The following COL25A1 variants were observed in gnomAD, a reference collection of about 807,000 sequenced individuals.
COL25A1 encodes the protein collagen alpha-1(XXV) chain.
COL25A1 carries 103 observed loss-of-function variants against 128.4 expected under a neutral mutation model. The observed-to-expected ratio is 0.80, with a 90% CI of 0.68 to 0.94. The LOEUF (loss-of-function observed/expected upper bound fraction) is 0.94. Ranked by LOEUF, COL25A1 falls within the 40% of genes least tolerant of loss-of-function variation. The pLI is 0.00. For synonymous variants in COL25A1, 279 were observed against 277.2 expected (o/e 1.01, Z -0.06); for missense variants, 745 against 840.0 (o/e 0.89, Z 1.40).
At chr4:108,875,589 T>C (rs929120568) in intron 19 of COL25A1, among the ~76,000 whole-genome samples, 2 of 152,048 alleles carry the variant, frequency 1.3e-5, no homozygotes, top group Non-Finnish European at 2.9e-5. Context: ...TGTGGAGAAA[T>C]AGGAATGCTT....
At chr4:109,091,049 T>A (rs1323950558) in intron 3 of COL25A1, among the ~76,000 whole-genome samples, 2 of 152,074 alleles carry the variant, frequency 1.3e-5, no homozygotes, top group Middle Eastern at 3.2e-3. Flanking sequence ...TTTGGCAACA[T>A]CTCCTGGAAG....
intron 13 of COL25A1, among the ~76,000 whole-genome samples, chr4:108,916,156 C>A (rs556583414): frequency 5.9e-5 from 9 of 152,132 alleles, no homozygotes; most frequent in Non-Finnish European, 1.3e-4. Flanking sequence ...AAGTTCCATA[C>A]ACAAAGCTTT....
chr4:109,280,390 A>G (rs1216847453), intron 3 of COL25A1, among the ~76,000 whole-genome samples: 1 of 152,240 alleles, frequency 6.6e-6, no homozygotes, highest in Non-Finnish European at 1.5e-5. Context: ...CTTTACGGGA[A>G]ACATAAGGAA....
intron 5 of COL25A1, among the ~76,000 whole-genome samples, chr4:109,036,504 A>T (rs1011444257): frequency 6.6e-5 from 10 of 152,200 alleles, no homozygotes; most frequent in Non-Finnish European, 1.5e-4. Flanking sequence ...TAGAGGCTTA[A>T]CTTTAATATG....
intron 6 of COL25A1, among the ~76,000 whole-genome samples, chr4:108,992,574 CAAAAT>C (rs1353552419): frequency 6.6e-6 from 1 of 152,114 alleles, no homozygotes; most frequent in Non-Finnish European, 1.5e-5. Flanking sequence ...TAAATTGTTA[CAAAAT>C]AAAATAACAT....
chr4:109,176,569 G>A (rs139910822), intron 3 of COL25A1, among the ~76,000 whole-genome samples: 2 of 152,256 alleles, frequency 1.3e-5, no homozygotes, highest in East Asian at 3.9e-4. Flanking sequence ...TGCTGAATGA[G>A]TTAAGATAAC....
intron 3 of COL25A1, among the ~76,000 whole-genome samples, chr4:109,159,454 G>A (rs1257941980): frequency 6.6e-6 from 1 of 152,012 alleles, no homozygotes; most frequent in African/African-American, 2.4e-5. Context: ...ACATGACAGG[G>A]AATCCTCTGC....
At chr4:109,250,825 A>C (rs1302093291) in intron 3 of COL25A1, among the ~76,000 whole-genome samples, 1 of 152,198 alleles carries the variant, frequency 6.6e-6, no homozygotes, top group Non-Finnish European at 1.5e-5. Flanking sequence ...TCAGGTTGAC[A>C]CAACACTAAC....
At position 109,008,293 on chromosome 4, in the gene COL25A1, G is replaced by A. The variant is rs185269082; in HGVS notation, c.438+2065C>T. On this transcript the variant is annotated intron_variant, in intron 6 of 37. Coordinates refer to ENST00000399132, the MANE Select transcript of COL25A1 (RefSeq NM_198721.4). Reference sequence around the variant, plus strand: ...CATCAACTTCCTTGTCCCTCTTTGGGATGATTCTGGGACATGCTCTACATA... The same window carrying A: ...CATCAACTTCCTTGTCCCTCTTTGGAATGATTCTGGGACATGCTCTACATA... Among the ~76,000 whole-genome samples the A allele has an allele frequency of 3.2e-4, 49 of 152,280 alleles. No individual in the cohort carries two copies. The East Asian group carries it at 9.5e-3, about 29-fold the overall frequency.
At chr4:109,196,350 G>C (rs948858963) in intron 3 of COL25A1, among the ~76,000 whole-genome samples, 3 of 152,112 alleles carry the variant, frequency 2.0e-5, no homozygotes, top group Non-Finnish European at 4.4e-5. Context: ...TATAGTGTAT[G>C]AGAGAATAAA....
chr4:109,059,831 A>C (rs1761793026), intron 3 of COL25A1, among the ~76,000 whole-genome samples: 1 of 152,206 alleles, frequency 6.6e-6, no homozygotes, highest in Admixed American at 6.5e-5. Context: ...TTGTATTCGC[A>C]GTACTTGGCA....
chr4:108,985,601 G>A (rs1753594756), intron 6 of COL25A1, among the ~76,000 whole-genome samples: 1 of 152,134 alleles, frequency 6.6e-6, no homozygotes, highest in Non-Finnish European at 1.5e-5. Context: ...CTAAACTATG[G>A]GAAGGAAAAC....
At chr4:108,885,478 A>C (rs1447926732) in intron 18 of COL25A1, among the ~76,000 whole-genome samples, 2 of 152,230 alleles carry the variant, frequency 1.3e-5, no homozygotes, top group Non-Finnish European at 2.9e-5. Context: ...TGTGAACAAT[A>C]AGACTAAAAT....
intron 13 of COL25A1, among the ~76,000 whole-genome samples, chr4:108,916,538 A>G (rs921435815): frequency 1.3e-5 from 2 of 152,242 alleles, no homozygotes; most frequent in Non-Finnish European, 2.9e-5. Flanking sequence ...GAAAAGAAAC[A>G]AAGACGAAAA....
intron 3 of COL25A1, among the ~76,000 whole-genome samples, chr4:109,294,942 C>T (rs1724831018): frequency 1.3e-5 from 2 of 152,018 alleles, no homozygotes; most frequent in South Asian, 4.1e-4. Flanking sequence ...CATCCCTAGA[C>T]CTAAGCCTGA....
At chr4:109,201,188 A>C (rs1776527683) in intron 3 of COL25A1, among the ~76,000 whole-genome samples, 1 of 152,212 alleles carries the variant, frequency 6.6e-6, no homozygotes, top group Non-Finnish European at 1.5e-5. Context: ...AATATGAAGA[A>C]GGCTATCTTT....
Position 108,940,416 on chromosome 4 carries a change from T to C in COL25A1, c.672+123A>G, listed in dbSNP as rs1333240038. ...TACTCCACTCATCATCCCACTTCCCTCAACCCACTCCACTCACTTGACCCC... is the reference window on the plus strand; with the variant it reads ...TACTCCACTCATCATCCCACTTCCCCCAACCCACTCCACTCACTTGACCCC... On this transcript the variant is annotated intron_variant, in intron 10 of 37. Transcript: ENST00000399132. 31 of 811,348 alleles carry C rather than the reference T, an allele frequency of 3.8e-5. No individual in the cohort carries two copies. In the Middle Eastern group the frequency reaches 6.8e-4, roughly 18 times the overall value. The allele number at this position is 811,348 out of a possible 1,614,324, so 50.3% of individuals were successfully genotyped here.
intron 10 of COL25A1, among the ~76,000 whole-genome samples, chr4:108,940,068 A>T (rs1747898909): frequency 6.6e-6 from 1 of 152,182 alleles, no homozygotes; most frequent in African/African-American, 2.4e-5. Flanking sequence ...TACTTCCTCT[A>T]CTTTCCATAA....
At chr4:108,859,341 T>C (rs530439116) in intron 24 of COL25A1, among the ~76,000 whole-genome samples, 1 of 152,150 alleles carries the variant, frequency 6.6e-6, no homozygotes, top group African/African-American at 2.4e-5. Context: ...GAGCTCTTGA[T>C]TGCCTTGCCA....
Sources: allele counts gnomAD v4.1 joint callset (sites outside exome capture counted in the v4.1 genomes callset), GRCh38; gene constraint gnomAD v4.1.1; transcripts MANE v1.5; gene names NCBI Gene and HGNC (gene_info 2026-07-23, HGNC 2026-07-21).